The following ZNF35 variants were observed in gnomAD, a reference collection of about 807,000 sequenced individuals.
The protein encoded by ZNF35 is zinc finger protein 35 (clone HF.10).
Under a neutral mutation model 45.9 loss-of-function variants are expected in ZNF35, and 31 were observed. The ratio of observed to expected loss-of-function variants is 0.68; its 90% CI spans 0.51 to 0.91. ZNF35 has a LOEUF of 0.91. Ranked by LOEUF, ZNF35 falls within the 40% of genes least tolerant of loss-of-function variation. The pLI is 0.00. For synonymous variants in ZNF35, 205 were observed against 220.2 expected (o/e 0.93, Z 0.61); for missense variants, 515 against 625.4 (o/e 0.82, Z 1.88).
intron 3 of ZNF35, among the ~76,000 whole-genome samples, chr3:44,655,250 C>T (rs1335100508): frequency 2.0e-5 from 3 of 151,794 alleles, no homozygotes; most frequent in Non-Finnish European, 1.5e-5. Context: ...TTCCAAACAC[C>T]TAACTGGGCA....
upstream of ZNF35, chr3:44,646,561 G>T (rs1702970555): frequency 2.7e-6 from 3 of 1,126,248 alleles, no homozygotes; most frequent in Non-Finnish European, 1.4e-6. Context: ...CCAGAACGTG[G>T]AATATTGCAT....
rs772683046 is a variant in ZNF35 at position 44,652,672 on chromosome 3, T to C, written c.308T>C (p.Leu103Pro). Residue 103 changes from leucine (L) to proline (P), a missense_variant, in exon 3 of 4, where the codon CTG becomes CCG. Leu to Pro is a moderately conservative substitution (Grantham distance 98, BLOSUM62 -3). Coordinates refer to ENST00000396056, the MANE Select transcript of ZNF35 (RefSeq NM_003420.4). ...LPGTLAKSEILETHGTMNFLG... is the reference protein window; with the variant it reads ...LPGTLAKSEIPETHGTMNFLG... ...GGGACTCTGGCCAAGAGTGAGATAC[T>C]GGAGACTCATGGGACCATGAACTTT... is the stretch of plus-strand genomic sequence containing the variant. 2.1e-5 allele frequency: 34 copies of C among 1,608,214 alleles called. No homozygotes were observed. In the East Asian group the frequency reaches 7.2e-4, roughly 34 times the overall value.
chr3:44,650,068 TTG>T (rs10575761), intron 1 of ZNF35, among the ~76,000 whole-genome samples: 23,592 of 149,746 alleles, frequency 0.16, 1,949 homozygotes, highest in Middle Eastern at 0.23. Flanking sequence ...GATAAGTACT[TTG>T]TGTGTGTGTG....
At chr3:44,656,053 G>GGGA (rs1703294442) in intron 3 of ZNF35, among the ~76,000 whole-genome samples, 1 of 152,148 alleles carries the variant, frequency 6.6e-6, no homozygotes, top group Non-Finnish European at 1.5e-5. Flanking sequence ...AAAGAATCAA[G>GGGA]GGAGGAGACG....
upstream of ZNF35, chr3:44,648,696 G>C (rs998996226): frequency 2.6e-5 from 4 of 152,136 alleles, no homozygotes; most frequent in Non-Finnish European, 4.4e-5. Flanking sequence ...CCGGCTTGGC[G>C]ACTTGGGGAG....
chr3:44,655,229 T>G (rs2125841830), intron 3 of ZNF35, among the ~76,000 whole-genome samples: 1 of 152,362 alleles, frequency 6.6e-6, no homozygotes, highest in South Asian at 2.1e-4. Flanking sequence ...TATCTTTAGT[T>G]CTTTAAAACA....
chr3:44,660,022 T>C lies in ZNF35; in HGVS notation c.*75T>C. On this transcript the variant is annotated 3_prime_UTR_variant, in exon 4 of 4. Transcript: ENST00000396056. ...CCTAATGAGACACCTCTTTGCTGTT[T>C]TCTTCCTCCTCTATAAAAGTGAGGG... 1 of 1,428,078 alleles carries C rather than the reference T, an allele frequency of 7.0e-7. No homozygotes were observed. The highest frequency in any genetic ancestry group is 1.4e-5 in the African/African-American group (1 of 70,500). The allele number at this position is 1,428,078 out of a possible 1,614,324, so 88.5% of individuals were successfully genotyped here.
chr3:44,651,411 C>T, intron 2 of ZNF35, 152 bp downstream of exon 2: 6 of 771,170 alleles, frequency 7.8e-6, no homozygotes, highest in Non-Finnish European at 1.2e-5. Flanking sequence ...TAGAAACATT[C>T]CCTTCTGATT....
Position 44,659,649 on chromosome 3 carries a change from A to G in ZNF35, c.1286A>G (p.Gln429Arg). The change falls in exon 4 of 4, where the codon CAG becomes CGG. Residue 429 changes from glutamine to arginine, a missense_variant. By Grantham distance (43) the Gln-to-Arg change is conservative (BLOSUM62 1). This residue lies in a region of ZNF35 where 232 missense variants were observed against 304.6 expected (regional missense o/e 0.76). Transcript: ENST00000396056. The surrounding 1 kb of genome is among the most constrained non-coding windows in gnomAD (Gnocchi z 4.3). Reference sequence around the variant, plus strand: ...AGCGAATGTGGGAAAGCCTTCAGTCAGCTCTCTTGCCTTATTGTCCACCAG... The same window carrying G: ...AGCGAATGTGGGAAAGCCTTCAGTCGGCTCTCTTGCCTTATTGTCCACCAG... ...DCSECGKAFSQLSCLIVHQRI... is the reference protein window; with the variant it reads ...DCSECGKAFSRLSCLIVHQRI... 1 of 1,614,180 alleles carries G rather than the reference A, an allele frequency of 6.2e-7. No homozygotes were observed. The highest frequency in any genetic ancestry group is 2.2e-5 in the East Asian group (1 of 44,882).
At chr3:44,647,491 C>A (rs1575508774), upstream of ZNF35, 1 of 152,138 alleles carries the variant, frequency 6.6e-6, no homozygotes, top group African/African-American at 2.4e-5. Context: ...CACACAAAAA[C>A]CTGTATACGA....
At chr3:44,651,814 T>C (rs184720800) in intron 2 of ZNF35, among the ~76,000 whole-genome samples, 7 of 145,406 alleles carry the variant, frequency 4.8e-5, no homozygotes, top group Admixed American at 1.4e-4. Flanking sequence ...GCCTGGGCAA[T>C]AGAGTGAGAC....
chr3:44,649,894 C>T (rs1257389190), intron 1 of ZNF35, among the ~76,000 whole-genome samples: 1 of 152,056 alleles, frequency 6.6e-6, no homozygotes, highest in Non-Finnish European at 1.5e-5. Context: ...ATTGTTAAGA[C>T]TATTGTGAAA....
rs1703195354 is a variant in ZNF35, at chr3:44,651,175, A to G, written c.108A>G (p.Gln36=). 4 of 1,614,204 alleles carry G rather than the reference A, an allele frequency of 2.5e-6. No individual in the cohort carries two copies. The highest frequency in any genetic ancestry group is 4.5e-5 in the East Asian group (2 of 44,880). The change falls in exon 2 of 4, where the codon CAA becomes CAG. Residue 36 remains glutamine, a synonymous_variant. Coordinates refer to ENST00000396056, the MANE Select transcript of ZNF35 (RefSeq NM_003420.4). The stretch of plus-strand genomic sequence containing the variant: ...ACTTCCCAGGTCAGGCATCCAGCCA[A>G]CAAGTGCACTCCGAGAACATCAAAG... ...EENFPGQASS[Q]QVHSENIKVW... is the part of the protein sequence containing the mutation.
In ZNF35 at chr3:44,659,029, T is replaced by C; in HGVS notation, c.666T>C (p.Phe222=). 6.2e-7 allele frequency: 1 copy of C among 1,614,238 alleles called. No homozygotes were observed. The highest frequency in any genetic ancestry group is 8.5e-7 in the Non-Finnish European group (1 of 1,180,032). The part of the protein sequence containing the change: ...NPKTQLGQKP[F]TCSVCGKGFS... ...AAACCCAGCTTGGACAAAAGCCTTTTACGTGTAGCGTGTGTGGGAAAGGAT... is the reference window on the plus strand; with the variant it reads ...AAACCCAGCTTGGACAAAAGCCTTTCACGTGTAGCGTGTGTGGGAAAGGAT... Residue 222 remains phenylalanine, a synonymous_variant, in exon 4 of 4, where the codon TTT becomes TTC. Transcript: ENST00000396056. This position sits in a 1 kb window ranked among gnomAD's most constrained non-coding sequence, Gnocchi z 4.3.
At chr3:44,655,863 T>C (rs1703291284) in intron 3 of ZNF35, among the ~76,000 whole-genome samples, 2 of 152,342 alleles carry the variant, frequency 1.3e-5, no homozygotes, top group African/African-American at 2.4e-5. Flanking sequence ...GTAGTTCCCA[T>C]TGATCTTCAT....
chr3:44,659,370 G>A lies in ZNF35; in HGVS notation c.1007G>A (p.Cys336Tyr). 8 of 1,614,002 alleles carry A rather than the reference G, an allele frequency of 5.0e-6. No homozygotes were observed. The highest frequency in any genetic ancestry group is 5.9e-6 in the Non-Finnish European group (7 of 1,179,962). ...KVHITEKCYECNECGKTFTRS... is the reference protein window; with the variant it reads ...KVHITEKCYEYNECGKTFTRS... Reference sequence around the variant, plus strand: ...CACATTACGGAAAAATGCTATGAATGTAATGAATGTGGGAAAACATTTACT... The same window carrying A: ...CACATTACGGAAAAATGCTATGAATATAATGAATGTGGGAAAACATTTACT... Residue 336 changes from cysteine (C) to tyrosine (Y), a missense_variant, in exon 4 of 4, where the codon TGT becomes TAT. Cys to Tyr is a radical substitution (Grantham distance 194). Around this residue, in one of 3 missense-constraint regions of ZNF35, gnomAD observed 232 missense variants for 304.6 expected, o/e 0.76. Coordinates refer to ENST00000396056, the MANE Select transcript of ZNF35 (RefSeq NM_003420.4). The surrounding 1 kb of genome is among the most constrained non-coding windows in gnomAD (Gnocchi z 4.3).
intron 2 of ZNF35, among the ~76,000 whole-genome samples, chr3:44,651,692 G>C (rs551481468): frequency 1.3e-4 from 20 of 152,014 alleles, no homozygotes; most frequent in Non-Finnish European, 2.6e-4. Flanking sequence ...AATTAGCTTG[G>C]CATGGTGGCA....
chr3:44,650,272 G>C (rs554876792), intron 1 of ZNF35, among the ~76,000 whole-genome samples: 1 of 152,036 alleles, frequency 6.6e-6, no homozygotes, highest in African/African-American at 2.4e-5. Flanking sequence ...TATCTCACAG[G>C]ACATTTGGAA....
At chr3:44,654,870 A>G (rs1559484107) in intron 3 of ZNF35, among the ~76,000 whole-genome samples, 1 of 152,226 alleles carries the variant, frequency 6.6e-6, no homozygotes, top group South Asian at 2.1e-4. Flanking sequence ...GCAGTGGCTC[A>G]AGCCTGTAAT....
Sources: gnomAD v4.1 joint callset for allele counts (sites outside exome capture counted in the v4.1 genomes callset) on GRCh38, gnomAD v4.1.1 for gene constraint, gnomAD v4.1.1 regional missense constraint, Gnocchi (gnomAD v3.1) non-coding constraint, MANE v1.5 for transcripts, NCBI Gene and HGNC (gene_info 2026-07-23, HGNC 2026-07-21) for gene names.